Variants in DOCK5 observed in about 807,000 individuals in gnomAD.
DOCK5 encodes dedicator of cytokinesis 5.
In DOCK5, 142 loss-of-function variants were observed where a neutral mutation model predicts 251.8. That is an observed-to-expected ratio of 0.56 (90% CI 0.49 to 0.65). The LOEUF (loss-of-function observed/expected upper bound fraction) is 0.65, where lower values mean the gene tolerates loss of function less well. DOCK5 is among the 30% of genes least tolerant of loss of function. The pLI is 0.00. For synonymous variants in DOCK5, 842 were observed against 835.5 expected (o/e 1.01, Z -0.13); for missense variants, 2,111 against 2,312.3 (o/e 0.91, Z 1.79).
intron 38 of DOCK5, among the ~76,000 whole-genome samples, chr8:25,378,668 T>C (rs1801007650): frequency 6.6e-6 from 1 of 152,174 alleles, no homozygotes; most frequent in Admixed American, 6.5e-5. Flanking sequence ...CCTCAGACAC[T>C]GAGGACGTGC....
At chr8:25,264,753 G>T (rs999372994) in intron 2 of DOCK5, among the ~76,000 whole-genome samples, 6 of 151,818 alleles carry the variant, frequency 4.0e-5, no homozygotes, top group African/African-American at 1.5e-4. Context: ...CTTGAACCTG[G>T]GAGGAGGAGG....
At chr8:25,381,870 G>C (rs760454498) in intron 39 of DOCK5, among the ~76,000 whole-genome samples, 1 of 152,046 alleles carries the variant, frequency 6.6e-6, no homozygotes, top group Non-Finnish European at 1.5e-5. Flanking sequence ...CCCTCATCTT[G>C]TGAAGAATTA....
At chr8:25,328,247 G>A (rs1013694908) in intron 18 of DOCK5, among the ~76,000 whole-genome samples, 8 of 151,896 alleles carry the variant, frequency 5.3e-5, no homozygotes, top group African/African-American at 1.9e-4. Context: ...TACAAAAAAA[G>A]TCAGAAGTAA....
chr8:25,410,364 A>G (rs1016431654), intron 51 of DOCK5, among the ~76,000 whole-genome samples, 162 bp downstream of exon 51: 2 of 152,028 alleles, frequency 1.3e-5, no homozygotes, highest in African/African-American at 4.8e-5. Context: ...GAAGTTTTCA[A>G]TGGGAAGGAC....
chr8:25,242,809 G>A (rs1311098801), intron 1 of DOCK5, among the ~76,000 whole-genome samples: 1 of 152,128 alleles, frequency 6.6e-6, no homozygotes, highest in Admixed American at 6.5e-5. Context: ...CCTGGGCTGG[G>A]GCCAGGCACC....
rs185880749 is a variant in DOCK5 at position 25,224,580 on chromosome 8, C to T, written c.44-19094C>T. ...AAAAGGTACAAATGAAGTAAGAACG[C>T]TTCAACTAGGGGAGAGAAACTTTCA... On this transcript the variant is annotated intron_variant, in intron 1 of 51. Transcript: ENST00000276440. Among the ~76,000 whole-genome samples the T allele has an allele frequency of 3.4e-3, 523 of 152,300 alleles. 3 individuals carry two copies. The highest frequency in any genetic ancestry group is 0.012 in the African/African-American group (496 of 41,560).
chr8:25,226,343 A>G (rs1802531327), intron 1 of DOCK5, among the ~76,000 whole-genome samples: 2 of 147,584 alleles, frequency 1.4e-5, no homozygotes, highest in South Asian at 2.1e-4. Flanking sequence ...GCTCACTGCA[A>G]CCTCCATCTC....
At chr8:25,294,048 G>A (rs1230304584) in intron 6 of DOCK5, among the ~76,000 whole-genome samples, 2 of 152,078 alleles carry the variant, frequency 1.3e-5, no homozygotes, top group East Asian at 1.9e-4. Context: ...GTAGGATAAG[G>A]AAACTCCATT....
At chr8:25,244,458 A>G (rs1803042480) in intron 2 of DOCK5, among the ~76,000 whole-genome samples, 2 of 152,184 alleles carry the variant, frequency 1.3e-5, no homozygotes, top group African/African-American at 2.4e-5. Flanking sequence ...GAGCACAACA[A>G]AAGCATAGCC....
chr8:25,206,092 G>T (rs1586227708), intron 1 of DOCK5, among the ~76,000 whole-genome samples: 2 of 152,146 alleles, frequency 1.3e-5, no homozygotes, highest in East Asian at 3.9e-4. Flanking sequence ...GAAGCTTCAG[G>T]GAAGTAGTTG....
At chr8:25,321,526 G>A (rs140753675) in intron 16 of DOCK5, among the ~76,000 whole-genome samples, 148 of 152,254 alleles carry the variant, frequency 9.7e-4, no homozygotes, top group African/African-American at 3.4e-3. Flanking sequence ...AGATCATCAG[G>A]CATTAGATTT....
At chr8:25,347,587 T>C (rs1800392572) in intron 26 of DOCK5, among the ~76,000 whole-genome samples, 1 of 152,164 alleles carries the variant, frequency 6.6e-6, no homozygotes, top group African/African-American at 2.4e-5. Context: ...CTTAAAATAA[T>C]AAAGTAAAGC....
At chr8:25,403,407 C>T (rs1801470432) in intron 47 of DOCK5, 151 bp from the exon 48 acceptor site, 1 of 749,564 alleles carries the variant, frequency 1.3e-6, no homozygotes, top group Non-Finnish European at 2.2e-6. Context: ...ACAATAGAGG[C>T]AGCACAGGCA....
At chr8:25,189,820 G>A (rs1801529617) in intron 1 of DOCK5, among the ~76,000 whole-genome samples, 1 of 152,200 alleles carries the variant, frequency 6.6e-6, no homozygotes, top group Non-Finnish European at 1.5e-5. Context: ...CTGACTTAAC[G>A]GAGTAGAGCT....
chr8:25,300,951 G>A (rs1050524951), intron 9 of DOCK5, among the ~76,000 whole-genome samples: 1 of 152,160 alleles, frequency 6.6e-6, no homozygotes, highest in African/African-American at 2.4e-5. Flanking sequence ...TGTAATCCCA[G>A]GACTTTGGGA....
At chr8:25,186,180 A>C (rs1303417197) in intron 1 of DOCK5, among the ~76,000 whole-genome samples, 1 of 151,694 alleles carries the variant, frequency 6.6e-6, no homozygotes, top group Admixed American at 6.6e-5. Flanking sequence ...ACAGTCTCAT[A>C]TTTACTATAT....
intron 6 of DOCK5, among the ~76,000 whole-genome samples, chr8:25,293,867 G>A (rs943971796): frequency 6.6e-6 from 1 of 152,168 alleles, no homozygotes; most frequent in Non-Finnish European, 1.5e-5. Flanking sequence ...AGCTGGGCAT[G>A]GTGGCATATG....
intron 2 of DOCK5, among the ~76,000 whole-genome samples, chr8:25,248,060 T>C (rs1322240791): frequency 1.3e-5 from 2 of 152,198 alleles, no homozygotes; most frequent in East Asian, 3.8e-4. Flanking sequence ...TTGAGAACAC[T>C]TGAGCCTGCA....
At chr8:25,395,424 C>T in intron 44 of DOCK5, 119 bp from the exon 45 acceptor site, 1 of 1,133,362 alleles carries the variant, frequency 8.8e-7, no homozygotes, top group Non-Finnish European at 1.3e-6. Flanking sequence ...ATTAGCAAAT[C>T]TTCCCTTTTC....
Sources: allele counts gnomAD v4.1 joint callset (sites outside exome capture counted in the v4.1 genomes callset), GRCh38; gene constraint gnomAD v4.1.1; transcripts MANE v1.5; gene names NCBI Gene and HGNC (gene_info 2026-07-23, HGNC 2026-07-21).